SGPP2: variants seen among roughly 807,000 people sequenced by gnomAD.
SGPP2 encodes the protein sphingosine 1-phosphate phosphohydrolase 2.
Under a neutral mutation model 33.9 loss-of-function variants are expected in SGPP2, and 30 were observed. The observed-to-expected ratio is 0.89, with a 90% CI of 0.66 to 1.20. The LOEUF (loss-of-function observed/expected upper bound fraction) is 1.20, where lower values mean the gene tolerates loss of function less well. SGPP2 is among the 50% of genes most tolerant of loss of function. The probability of loss-of-function intolerance (pLI) is 0.00; values close to 1 mark genes in which losing one functional copy is unlikely to be tolerated. For synonymous variants in SGPP2, 233 were observed against 225.0 expected, an observed-to-expected ratio of 1.04 and a Z score of -0.32; for missense variants, 458 against 532.1, an observed-to-expected ratio of 0.86 and a Z score of 1.37.
chr2:222,451,814 A>G (rs1270718754), intron 1 of SGPP2, among the ~76,000 whole-genome samples: 1 of 152,212 alleles, frequency 6.6e-6, no homozygotes, highest in East Asian at 1.9e-4. Flanking sequence ...ATGGAAACTC[A>G]TGGCCTAGCA....
chr2:222,541,976 A>C (rs1266880245), intron 4 of SGPP2, among the ~76,000 whole-genome samples: 1 of 152,174 alleles, frequency 6.6e-6, no homozygotes, highest in East Asian at 1.9e-4. Flanking sequence ...CAAATTGTAA[A>C]TGTGCAGCTC....
At position 222,474,611 on chromosome 2, in the gene SGPP2, A is replaced by G; in HGVS notation, c.263A>G (p.Tyr88Cys). 6.2e-7 allele frequency: 1 copy of G among 1,613,962 alleles called. No individual in the cohort carries two copies. The highest frequency in any genetic ancestry group is 8.5e-7 in the Non-Finnish European group (1 of 1,179,964). The part of the protein sequence containing the change: ...KYVVKNYFYY[Y>C]LFQFSAALGQ... ...GTCGTGAAGAATTATTTCTACTATT[A>G]CCTATTCCAATTTTCAGCTGCTTTG... The change falls in exon 2 of 5, where the codon TAC becomes TGC. Residue 88 changes from tyrosine (Y) to cysteine (C), a missense_variant. By Grantham distance (194) the Tyr-to-Cys change is radical (BLOSUM62 -2). Coordinates refer to ENST00000321276, the MANE Select transcript of SGPP2 (RefSeq NM_152386.4).
At chr2:222,502,482 G>C (rs1698382099) in intron 2 of SGPP2, among the ~76,000 whole-genome samples, 1 of 152,112 alleles carries the variant, frequency 6.6e-6, no homozygotes, top group Non-Finnish European at 1.5e-5. Flanking sequence ...TTTGCATTTA[G>C]CATTCCTAAT....
At chr2:222,556,199 A>T (rs1228357038) in intron 4 of SGPP2, among the ~76,000 whole-genome samples, 1 of 152,046 alleles carries the variant, frequency 6.6e-6, no homozygotes, top group Non-Finnish European at 1.5e-5. Context: ...AAACCCAAAG[A>T]GTTTGGCTCA....
At chr2:222,463,514 A>G (rs1697696942) in intron 1 of SGPP2, among the ~76,000 whole-genome samples, 2 of 152,210 alleles carry the variant, frequency 1.3e-5, no homozygotes, top group South Asian at 2.1e-4. Context: ...AGTCTGGACT[A>G]CAGAGTGAGA....
At chr2:222,431,053 A>G (rs1697145280) in intron 1 of SGPP2, among the ~76,000 whole-genome samples, 3 of 152,214 alleles carry the variant, frequency 2.0e-5, no homozygotes, top group Admixed American at 2.0e-4. Flanking sequence ...TAATGTATCA[A>G]TATTGTAACA....
chr2:222,526,197 AAAACCCCATG>A (rs1489163559), intron 4 of SGPP2, among the ~76,000 whole-genome samples: 1 of 143,226 alleles, frequency 7.0e-6, no homozygotes, highest in African/African-American at 2.5e-5. Context: ...TTCATGCTAC[AAAACCCCATG>A]ATGAGCTAGA....
intron 4 of SGPP2, among the ~76,000 whole-genome samples, chr2:222,553,911 C>T (rs1689341837): frequency 6.6e-6 from 1 of 152,142 alleles, no homozygotes; most frequent in Admixed American, 6.5e-5. Flanking sequence ...TGGCTCTCCT[C>T]CTCCACTCAG....
intron 1 of SGPP2, among the ~76,000 whole-genome samples, chr2:222,435,014 ATGTGTATATGTGTGT>A (rs1697215306): frequency 2.8e-5 from 1 of 35,624 alleles, no homozygotes; most frequent in African/African-American, 9.4e-5. Flanking sequence ...ACACACACAT[ATGTGTATATGTGTGT>A]ATATATATGT....
At chr2:222,512,531 G>A (rs1031972740) in intron 2 of SGPP2, among the ~76,000 whole-genome samples, 1 of 152,122 alleles carries the variant, frequency 6.6e-6, no homozygotes, top group African/African-American at 2.4e-5. Flanking sequence ...TCTTGGTGCT[G>A]TATGTTTATG....
Position 222,463,986 on chromosome 2 carries a change from G to C in SGPP2, c.220-10582G>C, listed in dbSNP as rs1208653254. ...AATCCTGTACGTGTGTTGGGGTGAG[G>C]GGAAATGCCTGGATGAAAACGAGTA... On this transcript the variant is annotated intron_variant, in intron 1 of 4. Transcript: ENST00000321276. Among the ~76,000 whole-genome samples the C allele has an allele frequency of 1.3e-5, 2 of 152,016 alleles. 1 individual carries two copies. The highest frequency in any genetic ancestry group is 4.8e-5 in the African/African-American group (2 of 41,368).
intron 1 of SGPP2, among the ~76,000 whole-genome samples, chr2:222,459,142 CTT>C (rs1164145783): frequency 4.2e-5 from 4 of 94,458 alleles, no homozygotes; most frequent in African/African-American, 1.5e-4. Flanking sequence ...TTCTTTCTTT[CTT>C]TTTTTTTTTT....
At chr2:222,501,845 T>C (rs1698372367) in intron 2 of SGPP2, among the ~76,000 whole-genome samples, 1 of 152,016 alleles carries the variant, frequency 6.6e-6, no homozygotes, top group Non-Finnish European at 1.5e-5. Context: ...GTCTACAGAG[T>C]TGTTTTTGTT....
intron 4 of SGPP2, among the ~76,000 whole-genome samples, chr2:222,535,291 T>C (rs547822364): frequency 6.6e-6 from 1 of 151,246 alleles, no homozygotes; most frequent in South Asian, 2.1e-4. Flanking sequence ...GGCAGGAGAA[T>C]TGCTTGAACC....
At chr2:222,549,275 G>T (rs1192066917) in intron 4 of SGPP2, among the ~76,000 whole-genome samples, 3 of 152,256 alleles carry the variant, frequency 2.0e-5, no homozygotes, top group Non-Finnish European at 4.4e-5. Context: ...CTAACCTTGT[G>T]TTGTGTTGGC....
intron 1 of SGPP2, among the ~76,000 whole-genome samples, chr2:222,457,749 T>C (rs1039948223): frequency 3.9e-5 from 6 of 152,166 alleles, no homozygotes; most frequent in Non-Finnish European, 5.9e-5. Flanking sequence ...TGAACAGCCA[T>C]CCTCAACCAG....
At position 222,559,081 on chromosome 2, in the gene SGPP2, G is replaced by A. The variant is rs2106161275; in HGVS notation, c.*183G>A. 1 of 602,744 alleles carries A rather than the reference G, an allele frequency of 1.7e-6. No individual in the cohort carries two copies. Among genetic ancestry groups the A allele is most frequent in the South Asian group, 2.2e-5 (1 of 45,246 alleles). The allele number at this position is 602,744 out of a possible 1,614,324, so 37.3% of individuals were successfully genotyped here. On this transcript the variant is annotated 3_prime_UTR_variant, in exon 5 of 5. Coordinates refer to ENST00000321276, the MANE Select transcript of SGPP2 (RefSeq NM_152386.4). The stretch of plus-strand genomic sequence containing the variant: ...GAAGAACTGTCTCATAGCGGTCATT[G>A]GTCGTCCGTGGTGGTTGGTTGTGCT...
chr2:222,528,859 A>T (rs1402853038), intron 4 of SGPP2, among the ~76,000 whole-genome samples: 1 of 152,150 alleles, frequency 6.6e-6, no homozygotes, highest in Non-Finnish European at 1.5e-5. Flanking sequence ...TCAAGCAATC[A>T]TACCACCTCA....
intron 2 of SGPP2, among the ~76,000 whole-genome samples, chr2:222,480,550 G>A (rs923315111): frequency 1.3e-5 from 2 of 152,204 alleles, no homozygotes; most frequent in African/African-American, 2.4e-5. Flanking sequence ...TGTCTTGACC[G>A]ACCAAAATGA....
Sources: allele counts gnomAD v4.1 joint callset (sites outside exome capture counted in the v4.1 genomes callset), GRCh38; gene constraint gnomAD v4.1.1; transcripts MANE v1.5; gene names NCBI Gene and HGNC (gene_info 2026-07-23, HGNC 2026-07-21).